Variants in DMD observed in about 807,000 individuals in gnomAD.
DMD encodes the protein dystrophin.
A neutral mutation model predicts 330.1 loss-of-function variants in DMD; 63 were observed. The ratio of observed to expected loss-of-function variants is 0.19; its 90% CI spans 0.16 to 0.24. DMD has a LOEUF of 0.24. Among genes scored for constraint, DMD ranks in the 10% least tolerant of loss-of-function variants. The probability of loss-of-function intolerance (pLI) is 1.00; values close to 1 mark genes in which losing one functional copy is unlikely to be tolerated. For missense variants in DMD, 3,344 were observed against 2,684.1 expected, an observed-to-expected ratio of 1.25 and a Z score of -5.43; for synonymous variants, 1,223 against 959.8, an observed-to-expected ratio of 1.27 and a Z score of -5.07.
intron 44 of DMD, among the ~76,000 whole-genome samples, chrX:32,183,521 T>C (rs1228543637): frequency 1.9e-5 from 2 of 104,592 alleles, no homozygotes; most frequent in African/African-American, 3.4e-5. Context: ...CTTTGACCCA[T>C]TAGTCCAAAT....
chrX:31,130,143 C>G (rs956956086), intron 77 of DMD, among the ~76,000 whole-genome samples: 2 of 111,756 alleles, frequency 1.8e-5, no homozygotes, highest in Non-Finnish European at 3.8e-5. Context: ...TTTAGAGAGC[C>G]TAATACCATA....
At chrX:32,533,083 T>C (rs1780718990) in intron 17 of DMD, among the ~76,000 whole-genome samples, 1 of 111,314 alleles carries the variant, frequency 9.0e-6, no homozygotes, top group South Asian at 3.8e-4. Context: ...ATTTACTCTC[T>C]GGCCCTTTAG....
At chrX:31,889,624 C>G (rs1418138707) in intron 47 of DMD, among the ~76,000 whole-genome samples, 1 of 45,881 alleles carries the variant, frequency 2.2e-5, no homozygotes, top group Non-Finnish European at 3.8e-5. Context: ...CTCTCTGTCT[C>G]TCTCTCTCTC....
Position 33,024,598 on chromosome X carries a change from G to A in DMD, c.32-4398C>T, listed in dbSNP as rs753908706. On this transcript the variant is annotated intron_variant, in intron 1 of 78. Transcript: ENST00000357033. ...ATAAAGTTATTTTTATTCAGTATAT[G>A]TGGCCTTTCATATTTTTTAAGATTA... Among the ~76,000 whole-genome samples, 6 of 111,938 alleles carry A rather than the reference G, an allele frequency of 5.4e-5. No homozygotes were observed. The East Asian group carries it at 1.7e-3, about 31-fold the overall frequency.
chrX:32,027,168 A>G (rs1483896459), intron 44 of DMD, among the ~76,000 whole-genome samples: 1 of 102,028 alleles, frequency 9.8e-6, no homozygotes, highest in Non-Finnish European at 1.9e-5. Context: ...GCACGTGCAC[A>G]CACACACACA....
At chrX:31,776,183 T>C (rs1177503265) in intron 50 of DMD, among the ~76,000 whole-genome samples, 1 of 111,319 alleles carries the variant, frequency 9.0e-6, no homozygotes, top group Non-Finnish European at 1.9e-5. Context: ...AAAAGAGAGC[T>C]AAATTAAAAT....
chrX:31,923,656 G>A (rs940355238), intron 47 of DMD, among the ~76,000 whole-genome samples: 10 of 101,922 alleles, frequency 9.8e-5, no homozygotes, highest in Non-Finnish European at 1.8e-4. Context: ...GGAGTATAGC[G>A]GCATGATCTT....
chrX:31,929,184 CATTAATT>C (rs1170914033), intron 47 of DMD, among the ~76,000 whole-genome samples: 1 of 111,725 alleles, frequency 9.0e-6, no homozygotes, highest in African/African-American at 3.3e-5. Context: ...CGTTAGTGTA[CATTAATT>C]ATTAAGTCCA....
chrX:32,511,138 A>C (rs755574123), intron 18 of DMD, among the ~76,000 whole-genome samples: 1 of 110,276 alleles, frequency 9.1e-6, no homozygotes, highest in East Asian at 2.9e-4. Context: ...TAATATTACC[A>C]TATTAGTCCA....
intron 1 of DMD, among the ~76,000 whole-genome samples, chrX:33,199,526 A>G (rs769469925): frequency 6.3e-5 from 7 of 111,463 alleles, no homozygotes; most frequent in Non-Finnish European, 9.4e-5. Context: ...TGACTATCAC[A>G]TAAGAATGGA....
intron 42 of DMD, among the ~76,000 whole-genome samples, chrX:32,297,082 GCA>G (rs1200961650): frequency 9.1e-6 from 1 of 109,813 alleles, no homozygotes; most frequent in Non-Finnish European, 1.9e-5. Flanking sequence ...GTACAGTTAG[GCA>G]CAGTTTTCAT....
chrX:31,347,030 A>AAAAAAAAAAAAAAAAAAAAAAAT (rs2058126565), intron 61 of DMD, among the ~76,000 whole-genome samples: 1 of 73,032 alleles, frequency 1.4e-5, no homozygotes, highest in Non-Finnish European at 2.8e-5. Context: ...AAAAAAAAAA[A>AAAAAAAAAAAAAAAAAAAAAAAT]AAAAAAGGAA....
chrX:32,740,913 A>G (rs112648984), intron 7 of DMD, among the ~76,000 whole-genome samples: 17,910 of 111,143 alleles, frequency 0.16, 1,790 homozygotes, highest in African/African-American at 0.37. Context: ...ATGGATTCAA[A>G]TCAAGTTATT....
intron 17 of DMD, among the ~76,000 whole-genome samples, chrX:32,519,263 TAA>T (rs201722710): frequency 4.2e-3 from 291 of 69,212 alleles, no homozygotes; most frequent in African/African-American, 0.012. Flanking sequence ...AAGTGGAATC[TAA>T]AAAAAAAAAA....
chrX:33,313,601 A>G (rs1337550212), intron 1 of DMD, among the ~76,000 whole-genome samples: 2 of 111,196 alleles, frequency 1.8e-5, no homozygotes, highest in Non-Finnish European at 3.8e-5. Context: ...TACCAACTGA[A>G]GAACTGTATT....
chrX:32,126,936 A>G (rs2096664536), intron 44 of DMD, among the ~76,000 whole-genome samples: 1 of 112,452 alleles, frequency 8.9e-6, no homozygotes. Context: ...TAATAAGGCC[A>G]GCAACATTCC....
At chrX:31,358,447 C>T (rs375859536) in intron 60 of DMD, among the ~76,000 whole-genome samples, 2 of 111,575 alleles carry the variant, frequency 1.8e-5, no homozygotes, top group African/African-American at 6.5e-5. Context: ...GTGCACTGTG[C>T]CTCAACTCTC....
At chrX:32,662,530 G>C (rs1292749268) in intron 9 of DMD, among the ~76,000 whole-genome samples, 1 of 111,803 alleles carries the variant, frequency 8.9e-6, no homozygotes, top group East Asian at 2.8e-4. Flanking sequence ...TGTTTGAAAG[G>C]ATTGTGATTG....
rs796989797 is a variant in DMD, at chrX:32,071,114, G to A, written c.6439-102600C>T. 9.6e-4 allele frequency among the ~76,000 whole-genome samples: 107 copies of A among 110,994 alleles called. 3 individuals are homozygous for A. In the South Asian group the frequency reaches 0.038, roughly 39 times the overall value. On this transcript the variant is annotated intron_variant, in intron 44 of 78. Coordinates refer to ENST00000357033, the MANE Select transcript of DMD (RefSeq NM_004006.3). ...AGTCTTTGCTATTGTGAATAGTGCC[G>A]CAATAAACATACATGTGCATGTGTC...
Sources: gnomAD v4.1 joint callset for allele counts (sites outside exome capture counted in the v4.1 genomes callset) on GRCh38, gnomAD v4.1.1 for gene constraint, MANE v1.5 for transcripts, NCBI Gene and HGNC (gene_info 2026-07-23, HGNC 2026-07-21) for gene names.